Variants in FRMD4B observed in about 807,000 individuals in gnomAD.
The protein encoded by FRMD4B is FERM domain containing 4B, also known as FERM domain-containing protein 4B.
FRMD4B carries 74 observed loss-of-function variants against 141.5 expected under a neutral mutation model. That is an observed-to-expected ratio of 0.52 (90% CI 0.43 to 0.63). The LOEUF (loss-of-function observed/expected upper bound fraction) is 0.63, where lower values mean the gene tolerates loss of function less well. Ranked by LOEUF, FRMD4B falls within the 30% of genes least tolerant of loss-of-function variation. FRMD4B has a pLI of 0.00. For synonymous variants in FRMD4B, 506 were observed against 467.9 expected (o/e 1.08, Z -1.05); for missense variants, 1,366 against 1,253.4 (o/e 1.09, Z -1.36).
chr3:69,188,478 C>A (rs2092794666), intron 18 of FRMD4B, among the ~76,000 whole-genome samples: 1 of 152,112 alleles, frequency 6.6e-6, no homozygotes, highest in African/African-American at 2.4e-5. Context: ...TTTTATGCAC[C>A]ATAAAACTTG....
At chr3:69,424,794 T>C (rs1306342174) in intron 2 of FRMD4B, among the ~76,000 whole-genome samples, 1 of 152,172 alleles carries the variant, frequency 6.6e-6, no homozygotes, top group Admixed American at 6.5e-5. Context: ...AAAGATGAAT[T>C]TAAAATTTGC....
At position 69,195,398 on chromosome 3, in the gene FRMD4B, A is replaced by G. The variant is rs765686377; in HGVS notation, c.1235-34T>C. The G allele has an allele frequency of 3.8e-6, 6 of 1,562,410 alleles. No homozygotes were observed. In the African/African-American group the frequency reaches 8.3e-5, roughly 22 times the overall value. On this transcript the variant is annotated intron_variant, in intron 14 of 22. Coordinates refer to ENST00000398540, the MANE Select transcript of FRMD4B (RefSeq NM_015123.3). ...TGAGGGAAGGGCAGGGAAGGTTTAT[A>G]CAAGGGATGTTTCCTTCCTTTCTAA... is the stretch of plus-strand genomic sequence containing the variant.
intron 1 of FRMD4B, among the ~76,000 whole-genome samples, chr3:69,456,989 T>C (rs1559533198): frequency 6.6e-6 from 1 of 152,232 alleles, no homozygotes. Context: ...ACTCCTGCTT[T>C]AAATGGTAGG....
At position 69,208,090 on chromosome 3, in the gene FRMD4B, G is replaced by T. The variant is rs180927706; in HGVS notation, c.876+8173C>A. ...TATTTTATTTATTTTTTTAGACAGA[G>T]TCTCACTCTGTCACCCAGGCTAGAG... On this transcript the variant is annotated intron_variant, in intron 11 of 22. Coordinates refer to ENST00000398540, the MANE Select transcript of FRMD4B (RefSeq NM_015123.3). 1.6e-3 allele frequency among the ~76,000 whole-genome samples: 241 copies of T among 151,678 alleles called. 1 individual carries two copies. Among genetic ancestry groups the T allele is most frequent in the African/African-American group, 4.8e-3 (198 of 41,352 alleles).
At chr3:69,312,386 T>TG (rs920404743) in intron 2 of FRMD4B, among the ~76,000 whole-genome samples, 2 of 152,204 alleles carry the variant, frequency 1.3e-5, no homozygotes, top group African/African-American at 4.8e-5. Flanking sequence ...AAGGTCTACT[T>TG]GGGCAAAGCT....
intron 1 of FRMD4B, among the ~76,000 whole-genome samples, chr3:69,472,938 C>CTTTTTTTTTTTTTTTTTTTTTTTTT (rs71618285): frequency 1.8e-5 from 2 of 108,330 alleles, no homozygotes; most frequent in Non-Finnish European, 3.5e-5. Flanking sequence ...TTTTTTTTTT[C>CTTTTTTTTTTTTTTTTTTTTTTTTT]TTTTTTTTTT....
chr3:69,183,971 C>G (rs1027510670), intron 19 of FRMD4B, among the ~76,000 whole-genome samples: 1 of 152,168 alleles, frequency 6.6e-6, no homozygotes, highest in Admixed American at 6.5e-5. Context: ...TCTCAGCTCA[C>G]TGCAACCTCC....
At chr3:69,204,390 T>C (rs901327378) in intron 11 of FRMD4B, among the ~76,000 whole-genome samples, 3 of 152,142 alleles carry the variant, frequency 2.0e-5, no homozygotes, top group Non-Finnish European at 2.9e-5. Context: ...TGGCAACTCA[T>C]AGTACCTATA....
At position 69,193,788 on chromosome 3, in the gene FRMD4B, T is replaced by C. The variant is rs1297932277; in HGVS notation, c.1574A>G (p.Asp525Gly). 1.2e-6 allele frequency: 2 copies of C among 1,613,646 alleles called. No homozygotes were observed. The highest frequency in any genetic ancestry group is 1.1e-5 in the South Asian group (1 of 91,078). ...EAAKKLANEP[D>G]LCKTVKKKRK... ...CTTTTTCTTCACAGTTTTACAAAGG[T>C]CTGGCTCATTGGCAAGTTTCTTTGC... The change falls in exon 17 of 23, where the codon GAC becomes GGC. Residue 525 changes from aspartate (D) to glycine (G), a missense_variant. Asp to Gly is a moderately conservative substitution (Grantham distance 94). Coordinates refer to ENST00000398540, the MANE Select transcript of FRMD4B (RefSeq NM_015123.3).
intron 5 of FRMD4B, among the ~76,000 whole-genome samples, chr3:69,285,996 A>AATCAGTATT (rs1700677486): frequency 6.6e-6 from 1 of 152,222 alleles, no homozygotes; most frequent in Non-Finnish European, 1.5e-5. Context: ...GAAGATAGTG[A>AATCAGTATT]ATCAGTATTT....
At chr3:69,477,384 A>G (rs1385722837) in intron 1 of FRMD4B, among the ~76,000 whole-genome samples, 1 of 147,810 alleles carries the variant, frequency 6.8e-6, no homozygotes, top group Non-Finnish European at 1.5e-5. Context: ...TCCCATCAAT[A>G]CCTAATTTAC....
chr3:69,237,690 T>C lies in FRMD4B; in HGVS notation c.581+11536A>G, dbSNP rs532437880. Among the ~76,000 whole-genome samples the C allele has an allele frequency of 3.3e-5, 5 of 152,330 alleles. No homozygotes were observed. The East Asian group carries it at 9.6e-4, about 29-fold the overall frequency. ...CCCAGCTTCCTCAGACCTCTCAGCT[T>C]CTCTTTCATAGGATGATAAAAGATA... On this transcript the variant is annotated intron_variant, in intron 7 of 22. Transcript: ENST00000398540.
chr3:69,331,821 G>A lies in FRMD4B; in HGVS notation c.163-18304C>T, dbSNP rs144986901. 3.8e-3 allele frequency among the ~76,000 whole-genome samples: 576 copies of A among 152,260 alleles called. 3 individuals carry two copies. Among genetic ancestry groups the A allele is most frequent in the African/African-American group, 0.013 (549 of 41,544 alleles). The stretch of plus-strand genomic sequence containing the variant: ...CAACAAGTAATTGGCTGGGCATGGT[G>A]GCTCACGCCTATAATCCCAGCACTT... On this transcript the variant is annotated intron_variant, in intron 1 of 22. Coordinates refer to ENST00000398540, the MANE Select transcript of FRMD4B (RefSeq NM_015123.3).
chr3:69,453,494 T>A (rs1397700907), intron 1 of FRMD4B, among the ~76,000 whole-genome samples: 4 of 152,138 alleles, frequency 2.6e-5, no homozygotes, highest in Non-Finnish European at 5.9e-5. Flanking sequence ...TCTAAATAAA[T>A]AAAATACAAA....
chr3:69,401,552 C>T (rs570191527), intron 2 of FRMD4B, among the ~76,000 whole-genome samples: 62 of 152,138 alleles, frequency 4.1e-4, no homozygotes, highest in African/African-American at 1.4e-3. Flanking sequence ...TATCTTTCTT[C>T]CTCTCTTTCT....
chr3:69,364,934 A>G (rs1703596180), intron 1 of FRMD4B, among the ~76,000 whole-genome samples: 1 of 152,162 alleles, frequency 6.6e-6, no homozygotes, highest in South Asian at 2.1e-4. Context: ...AGTTTAGGCC[A>G]TTTACAGAAG....
chr3:69,505,243 T>C (rs1014114999), intron 1 of FRMD4B, among the ~76,000 whole-genome samples: 6 of 152,106 alleles, frequency 3.9e-5, no homozygotes, highest in Admixed American at 6.5e-5. Context: ...CTGGGCATGG[T>C]AGCACATGCC....
intron 1 of FRMD4B, among the ~76,000 whole-genome samples, chr3:69,483,003 T>C (rs908258248): frequency 1.3e-5 from 2 of 152,210 alleles, no homozygotes; most frequent in Admixed American, 6.5e-5. Flanking sequence ...TTTCATTGCA[T>C]TGAATATCCC....
At chr3:69,379,907 C>T (rs114042937) in intron 1 of FRMD4B, among the ~76,000 whole-genome samples, 1,661 of 152,352 alleles carry the variant, frequency 0.011, 18 homozygotes, top group African/African-American at 0.038. Flanking sequence ...GCAAGCCCGA[C>T]TTTGCCCGCA....
Sources: gnomAD v4.1 joint callset for allele counts (sites outside exome capture counted in the v4.1 genomes callset) on GRCh38, gnomAD v4.1.1 for gene constraint, MANE v1.5 for transcripts, NCBI Gene and HGNC (gene_info 2026-07-23, HGNC 2026-07-21) for gene names.